FBLN7: variants seen among roughly 807,000 people sequenced by gnomAD.
FBLN7 encodes fibulin-7.
Under a neutral mutation model 44.0 loss-of-function variants are expected in FBLN7, and 31 were observed. The observed-to-expected ratio is 0.70, with a 90% CI of 0.53 to 0.95. The LOEUF (loss-of-function observed/expected upper bound fraction) is 0.95, where lower values mean the gene tolerates loss of function less well. FBLN7 is among the 40% of genes least tolerant of loss of function. The probability of loss-of-function intolerance (pLI) is 0.00; values close to 1 mark genes in which losing one functional copy is unlikely to be tolerated. For synonymous variants in FBLN7, 262 were observed against 253.4 expected (o/e 1.03, Z -0.32); for missense variants, 573 against 618.5 (o/e 0.93, Z 0.78).
chr2:112,217,144 G>A, the FBLN7 span, among the ~76,000 whole-genome samples: 1 of 152,134 alleles, frequency 6.6e-6, no homozygotes, highest in Admixed American at 6.5e-5. Context: ...CAAGGCGGGT[G>A]GATCACTTGA....
chr2:112,224,864 G>A, the FBLN7 span, among the ~76,000 whole-genome samples: 2 of 152,136 alleles, frequency 1.3e-5, no homozygotes, highest in East Asian at 3.8e-4. Context: ...AACATTCTGG[G>A]GTGATGGAAT....
chr2:112,180,855 A>G (rs1030531616), intron 4 of FBLN7, among the ~76,000 whole-genome samples: 1 of 136,596 alleles, frequency 7.3e-6, no homozygotes, highest in Non-Finnish European at 1.5e-5. Context: ...CCCGGGAGGC[A>G]GAGCTCGCAG....
the FBLN7 span, among the ~76,000 whole-genome samples, chr2:112,198,070 T>A: frequency 1.3e-5 from 2 of 152,094 alleles, no homozygotes; most frequent in Non-Finnish European, 2.9e-5. Flanking sequence ...ATCAAAGCCA[T>A]TCTCTCCTCA....
Position 112,187,086 on chromosome 2 carries a change from A to C in FBLN7, c.948-48A>C, listed in dbSNP as rs777226796. The C allele has an allele frequency of 2.5e-6, 4 of 1,591,688 alleles. No homozygotes were observed. The highest frequency in any genetic ancestry group is 1.1e-5 in the South Asian group (1 of 87,494). On this transcript the variant is annotated intron_variant, in intron 7 of 7. Coordinates refer to ENST00000331203, the MANE Select transcript of FBLN7 (RefSeq NM_153214.3). The surrounding 1 kb of genome is among the most constrained non-coding windows in gnomAD (Gnocchi z 5.1). ...GGCAGCCGGGTCAGAGCAGCTCTTC[A>C]TGAGACTCCCCAAGGCTGACTGCCT...
chr2:112,146,572 T>TC lies in FBLN7; in HGVS notation c.75+7842_75+7843insC, dbSNP rs1419877016. 6.6e-5 allele frequency among the ~76,000 whole-genome samples: 10 copies of TC among 151,958 alleles called. No individual in the cohort carries two copies. The East Asian group carries it at 1.5e-3, about 23-fold the overall frequency. On this transcript the variant is annotated intron_variant, in intron 1 of 7. Coordinates refer to ENST00000331203, the MANE Select transcript of FBLN7 (RefSeq NM_153214.3). ...CTAATTATTTCATTTTTGAAGCTTTTTTTTTTTTTTTTTTAAATTCATTTC... is the reference window on the plus strand; with the variant it reads ...CTAATTATTTCATTTTTGAAGCTTTTCTTTTTTTTTTTTTTAAATTCATTTC...
chr2:112,138,547 C>T lies in FBLN7; in HGVS notation c.-109C>T. The T allele has an allele frequency of 3.3e-6, 5 of 1,525,300 alleles. No homozygotes were observed. The highest frequency in any genetic ancestry group is 2.7e-5 in the East Asian group (1 of 37,172). 94.5% of individuals were successfully genotyped at this position (1,525,300 alleles called of 1,614,324 possible). A position where few individuals can be genotyped will look rare whatever the true frequency, so the allele number is the denominator to read the frequency against. Reference sequence around the variant, plus strand: ...CCCCCTGCCCCAGCCGCCCCCCGGCCGCGCGGCGCCCCGCACCCTGCAGGG... The same window carrying T: ...CCCCCTGCCCCAGCCGCCCCCCGGCTGCGCGGCGCCCCGCACCCTGCAGGG... On this transcript the variant is annotated 5_prime_UTR_variant, in exon 1 of 8. Coordinates refer to ENST00000331203, the MANE Select transcript of FBLN7 (RefSeq NM_153214.3).
At chr2:112,203,399 C>T in the FBLN7 span, among the ~76,000 whole-genome samples, 7 of 152,208 alleles carry the variant, frequency 4.6e-5, no homozygotes, top group African/African-American at 1.7e-4. Context: ...ACTTCAATAG[C>T]CATACAGAAT....
intron 4 of FBLN7, chr2:112,176,661 C>A (rs757162983): frequency 1.3e-5 from 2 of 152,200 alleles, no homozygotes; most frequent in Admixed American, 1.3e-4. Flanking sequence ...GCTTAATATG[C>A]CCTGATTCAG....
intron 1 of FBLN7, among the ~76,000 whole-genome samples, chr2:112,155,207 T>G (rs1681352643): frequency 6.6e-6 from 1 of 152,204 alleles, no homozygotes; most frequent in Non-Finnish European, 1.5e-5. Context: ...CATGACCTCA[T>G]TTGTCCCCAT....
chr2:112,138,626 C>T lies in FBLN7; in HGVS notation c.-30C>T. On this transcript the variant is annotated 5_prime_UTR_variant, in exon 1 of 8. Transcript: ENST00000331203. Reference sequence around the variant, plus strand: ...GGCAGCGGAGGCAAAGTTATTTCCCCTCCCAGGCAGCGGGATTCCGACTGG... The same window carrying T: ...GGCAGCGGAGGCAAAGTTATTTCCCTTCCCAGGCAGCGGGATTCCGACTGG... The T allele has an allele frequency of 1.2e-6, 2 of 1,613,796 alleles. No homozygotes were observed. The highest frequency in any genetic ancestry group is 1.7e-6 in the Non-Finnish European group (2 of 1,179,854).
chr2:112,228,288 G>A, the FBLN7 span, among the ~76,000 whole-genome samples: 1 of 152,126 alleles, frequency 6.6e-6, no homozygotes, highest in Admixed American at 6.5e-5. Context: ...GATCACCTGA[G>A]GTCAGGAGTT....
At chr2:112,231,737 C>T in the FBLN7 span, 2 of 599,328 alleles carry the variant, frequency 3.3e-6, no homozygotes, top group Non-Finnish European at 5.5e-6. Flanking sequence ...CATATGCTAA[C>T]CTAAGAGGCA....
At chr2:112,229,721 T>C in the FBLN7 span, among the ~76,000 whole-genome samples, 2 of 152,192 alleles carry the variant, frequency 1.3e-5, no homozygotes, top group Non-Finnish European at 2.9e-5. Context: ...GAGAACCTTG[T>C]AGTTGTTTTT....
At chr2:112,236,726 CAT>C in the FBLN7 span, 3 of 1,554,634 alleles carry the variant, frequency 1.9e-6, no homozygotes, top group Non-Finnish European at 2.6e-6. Context: ...TAAAAAATGA[CAT>C]AAAGTTACAA....
the FBLN7 span, among the ~76,000 whole-genome samples, chr2:112,244,160 C>A: frequency 2.6e-5 from 4 of 152,076 alleles, no homozygotes; most frequent in East Asian, 7.7e-4. Flanking sequence ...AGAGAAGAGC[C>A]TTAAAGCTTC....
intron 6 of FBLN7, 67 bp from the exon 7 acceptor site, chr2:112,185,134 T>G: frequency 6.4e-7 from 1 of 1,565,794 alleles, no homozygotes; most frequent in African/African-American, 1.3e-5. Flanking sequence ...GGGCCTCTCA[T>G]GTGGTTCTGT....
chr2:112,231,775 T>C, the FBLN7 span: 1 of 1,017,718 alleles, frequency 9.8e-7, no homozygotes, highest in Non-Finnish European at 1.4e-6. Flanking sequence ...CAAATTCTCA[T>C]CCTTAGTTCA....
chr2:112,181,120 C>T (rs1386881004), intron 4 of FBLN7, among the ~76,000 whole-genome samples: 1 of 151,902 alleles, frequency 6.6e-6, no homozygotes, highest in African/African-American at 2.4e-5. Flanking sequence ...TCACTTATAA[C>T]TGGGAGTTAA....
At chr2:112,239,605 G>A in the FBLN7 span, among the ~76,000 whole-genome samples, 1 of 26,568 alleles carries the variant, frequency 3.8e-5, no homozygotes, top group Non-Finnish European at 8.6e-5. Context: ...TTTTTTTTTT[G>A]ATGGATTCTC....
Sources: allele counts gnomAD v4.1 joint callset (sites outside exome capture counted in the v4.1 genomes callset), GRCh38; gene constraint gnomAD v4.1.1; non-coding constraint Gnocchi (gnomAD v3.1); transcripts MANE v1.5; gene names NCBI Gene and HGNC (gene_info 2026-07-23, HGNC 2026-07-21).